Variants in PTPRD observed in about 807,000 individuals in gnomAD.
PTPRD encodes protein tyrosine phosphatase receptor type D, also known as receptor-type tyrosine-protein phosphatase delta.
PTPRD carries 34 observed loss-of-function variants against 214.5 expected under a neutral mutation model. That is an observed-to-expected ratio of 0.16 (90% confidence interval 0.12 to 0.21). The LOEUF (loss-of-function observed/expected upper bound fraction) is 0.21. Ranked by LOEUF, PTPRD falls within the 10% of genes least tolerant of loss-of-function variation. The probability of loss-of-function intolerance (pLI) is 1.00; values close to 1 mark genes in which losing one functional copy is unlikely to be tolerated. For missense variants in PTPRD, 2,545 were observed against 2,398.7 expected (o/e 1.06, Z -1.27); for synonymous variants, 1,128 against 845.7 (o/e 1.33, Z -5.79).
chr9:9,974,910 G>A (rs2095294823), intron 4 of PTPRD, among the ~76,000 whole-genome samples: 1 of 152,166 alleles, frequency 6.6e-6, no homozygotes, highest in African/African-American at 2.4e-5. Context: ...AATGTCATAA[G>A]CCTTATTTCT....
intron 8 of PTPRD, among the ~76,000 whole-genome samples, chr9:9,456,637 T>G (rs905123944): frequency 8.6e-5 from 13 of 151,930 alleles, no homozygotes; most frequent in Non-Finnish European, 1.8e-4. Context: ...TAATAACTAA[T>G]GTTTATGGAG....
chr9:9,257,552 A>G (rs1232401486), intron 9 of PTPRD, among the ~76,000 whole-genome samples: 2 of 151,966 alleles, frequency 1.3e-5, no homozygotes, highest in Admixed American at 6.6e-5. Context: ...AGCACTTTGG[A>G]AAGCCAAAGC....
At chr9:8,898,635 T>C (rs775552065) in intron 11 of PTPRD, among the ~76,000 whole-genome samples, 9 of 152,198 alleles carry the variant, frequency 5.9e-5, no homozygotes, top group Non-Finnish European at 1.2e-4. Context: ...CTACTTTAAT[T>C]GAGTATCTAA....
At chr9:9,526,686 T>A (rs1427268982) in intron 8 of PTPRD, among the ~76,000 whole-genome samples, 1 of 152,188 alleles carries the variant, frequency 6.6e-6, no homozygotes, top group Non-Finnish European at 1.5e-5. Context: ...TGTACTTTTA[T>A]CTGAAATATG....
At chr9:9,941,932 T>G (rs10978119) in intron 4 of PTPRD, among the ~76,000 whole-genome samples, 5,749 of 152,258 alleles carry the variant, frequency 0.038, 166 homozygotes, top group East Asian at 0.18. Context: ...ATCTAATGTA[T>G]TTGAATGATT....
chr9:10,498,366 C>T (rs1434643248), intron 2 of PTPRD, among the ~76,000 whole-genome samples: 1 of 151,908 alleles, frequency 6.6e-6, no homozygotes, highest in Non-Finnish European at 1.5e-5. Context: ...ATATGAAACA[C>T]AGTATTTTTG....
At chr9:8,494,685 T>C (rs2097221784) in intron 26 of PTPRD, among the ~76,000 whole-genome samples, 1 of 152,186 alleles carries the variant, frequency 6.6e-6, no homozygotes. Context: ...GAAATTGGAG[T>C]TAACCACACA....
intron 11 of PTPRD, among the ~76,000 whole-genome samples, chr9:8,742,225 GTTTTA>G (rs1382639793): frequency 1.3e-5 from 2 of 152,004 alleles, no homozygotes; most frequent in African/African-American, 4.8e-5. Context: ...ATGATTTGTT[GTTTTA>G]TTTTAAATTG....
In PTPRD at chr9:8,370,011, G is replaced by A. The variant is rs185611462; in HGVS notation, c.4661+5925C>T. Reference sequence around the variant, plus strand: ...CAAATTATTCTATAAAACAACATAAGGAACAAGGCTCAAAAGTGGAACAAA... The same window carrying A: ...CAAATTATTCTATAAAACAACATAAAGAACAAGGCTCAAAAGTGGAACAAA... On this transcript the variant is annotated intron_variant, in intron 39 of 45. Transcript: ENST00000381196. Among the ~76,000 whole-genome samples, 5 of 152,028 alleles carry A rather than the reference G, an allele frequency of 3.3e-5. No homozygotes were observed. In the East Asian group the frequency reaches 9.7e-4, roughly 29 times the overall value.
chr9:9,166,331 T>A (rs1220306576), intron 10 of PTPRD, among the ~76,000 whole-genome samples: 1 of 152,122 alleles, frequency 6.6e-6, no homozygotes, highest in Non-Finnish European at 1.5e-5. Context: ...GACTCTCTTG[T>A]GTTTATTCCT....
At chr9:8,802,136 G>A (rs1187494982) in intron 11 of PTPRD, among the ~76,000 whole-genome samples, 1 of 152,042 alleles carries the variant, frequency 6.6e-6, no homozygotes, top group Non-Finnish European at 1.5e-5. Flanking sequence ...TCAGAGCCCT[G>A]GTCCTTCCAT....
chr9:8,517,693 G>A (rs1348666608), intron 21 of PTPRD, among the ~76,000 whole-genome samples, 155 bp downstream of exon 21: 1 of 152,198 alleles, frequency 6.6e-6, no homozygotes, highest in East Asian at 1.9e-4. Flanking sequence ...GTCCATGCTT[G>A]TTCCTTTTCA....
chr9:8,704,845 C>A (rs1326191593), intron 12 of PTPRD, among the ~76,000 whole-genome samples: 1 of 151,872 alleles, frequency 6.6e-6, no homozygotes, highest in Non-Finnish European at 1.5e-5. Flanking sequence ...ATCATGTGAA[C>A]CCGGGAGGTG....
intron 9 of PTPRD, among the ~76,000 whole-genome samples, chr9:9,282,338 G>T (rs768125616): frequency 4.6e-5 from 7 of 151,000 alleles, no homozygotes; most frequent in Non-Finnish European, 1.0e-4. Context: ...GAGGTTTGGG[G>T]GGCAATCTGT....
At chr9:10,195,209 G>T (rs1239171155) in intron 3 of PTPRD, among the ~76,000 whole-genome samples, 6 of 149,302 alleles carry the variant, frequency 4.0e-5, no homozygotes, top group Admixed American at 6.9e-5. Context: ...GAATAAAAAC[G>T]GAAGGGAATA....
At chr9:10,001,925 C>A (rs555332257) in intron 4 of PTPRD, among the ~76,000 whole-genome samples, 5 of 151,794 alleles carry the variant, frequency 3.3e-5, no homozygotes, top group Admixed American at 6.6e-5. Context: ...TTGTTTAAAA[C>A]GCTTTTATAC....
intron 3 of PTPRD, among the ~76,000 whole-genome samples, chr9:10,293,896 A>C (rs2095601350): frequency 6.6e-6 from 1 of 151,904 alleles, no homozygotes; most frequent in African/African-American, 2.4e-5. Flanking sequence ...AGGAATAAAT[A>C]TTGTGGGCAA....
chr9:8,350,113 C>T (rs1053823530), intron 39 of PTPRD, among the ~76,000 whole-genome samples: 5 of 151,906 alleles, frequency 3.3e-5, no homozygotes, highest in South Asian at 2.1e-4. Flanking sequence ...GTTAGTCCCA[C>T]GAGTTGAAAC....
intron 7 of PTPRD, among the ~76,000 whole-genome samples, chr9:9,694,433 C>A (rs555276332): frequency 6.6e-6 from 1 of 151,868 alleles, no homozygotes; most frequent in Admixed American, 6.6e-5. Context: ...CTGTAGTGAG[C>A]CACCTGGAAT....
Sources: gnomAD v4.1 joint callset for allele counts (sites outside exome capture counted in the v4.1 genomes callset) on GRCh38, gnomAD v4.1.1 for gene constraint, MANE v1.5 for transcripts, NCBI Gene and HGNC (gene_info 2026-07-23, HGNC 2026-07-21) for gene names.